The following MARCHF1 variants were observed in gnomAD, a reference collection of about 807,000 sequenced individuals.
MARCHF1 encodes the protein membrane associated ring-CH-type finger 1.
MARCHF1 carries 40 observed loss-of-function variants against 54.2 expected under a neutral mutation model. The observed-to-expected ratio is 0.74, with a 90% CI of 0.57 to 0.96. The LOEUF is 0.96. Among genes scored for constraint, MARCHF1 ranks in the 40% least tolerant of loss-of-function variants. MARCHF1 has a pLI of 0.00. For missense variants in MARCHF1, 586 were observed against 656.5 expected (o/e 0.89, Z 1.17); for synonymous variants, 236 against 236.3 (o/e 1.00, Z 0.01).
chr4:164,239,794 A>T (rs1732674325), intron 1 of MARCHF1, among the ~76,000 whole-genome samples: 1 of 151,956 alleles, frequency 6.6e-6, no homozygotes, highest in African/African-American at 2.4e-5. Context: ...TATATGTCAT[A>T]TTCTTCTTTT....
intron 1 of MARCHF1, among the ~76,000 whole-genome samples, chr4:164,185,620 G>A (rs901448369): frequency 6.6e-6 from 1 of 152,056 alleles, no homozygotes; most frequent in Admixed American, 6.6e-5. Flanking sequence ...TCTAAAGGAA[G>A]AGCTATTAAC....
intron 4 of MARCHF1, among the ~76,000 whole-genome samples, chr4:163,775,129 C>T (rs1419372337): frequency 1.3e-5 from 2 of 152,154 alleles, no homozygotes; most frequent in African/African-American, 2.4e-5. Context: ...CAGGTCTAGC[C>T]ACTCTCAAGC....
chr4:164,209,033 T>TATATATA (rs1480090066), intron 1 of MARCHF1, among the ~76,000 whole-genome samples: 1 of 149,910 alleles, frequency 6.7e-6, no homozygotes, highest in African/African-American at 2.4e-5. Flanking sequence ...ATTATATATA[T>TATATATA]TATATATAAA....
intron 1 of MARCHF1, among the ~76,000 whole-genome samples, chr4:164,274,802 G>A (rs1214510522): frequency 1.4e-5 from 2 of 147,978 alleles, no homozygotes; most frequent in East Asian, 2.0e-4. Context: ...TCAGCCTCCC[G>A]AGTAGCTGGG....
intron 1 of MARCHF1, among the ~76,000 whole-genome samples, chr4:164,129,049 C>A (rs1756246211): frequency 6.6e-6 from 1 of 152,146 alleles, no homozygotes; most frequent in Non-Finnish European, 1.5e-5. Context: ...AATCAGATTG[C>A]TTATGAAAGT....
rs189639533 is a variant in MARCHF1, at chr4:164,193,562, A to G, written c.-322-81900T>C. Among the ~76,000 whole-genome samples, 304 of 152,196 alleles carry G rather than the reference A, an allele frequency of 2.0e-3. 2 individuals carry two copies. The highest frequency in any genetic ancestry group is 6.7e-3 in the African/African-American group (277 of 41,548). The stretch of plus-strand genomic sequence containing the variant: ...TGCCTCTTTCACTTGGATTTGTTCA[A>G]TTGAGTAAATGGAATACATTTCATG... On this transcript the variant is annotated intron_variant, in intron 1 of 9. Transcript: ENST00000514618.
At chr4:164,096,580 A>T (rs1007712615) in intron 2 of MARCHF1, among the ~76,000 whole-genome samples, 2 of 149,618 alleles carry the variant, frequency 1.3e-5, no homozygotes, top group Non-Finnish European at 3.0e-5. Flanking sequence ...TAAAAAAAAA[A>T]TTTAAAAAGT....
rs561200463 is a variant in MARCHF1 at position 164,140,812 on chromosome 4, T to G, written c.-322-29150A>C. Among the ~76,000 whole-genome samples the G allele has an allele frequency of 2.6e-5, 4 of 152,172 alleles. No individual in the cohort carries two copies. The South Asian group carries it at 8.3e-4, about 32-fold the overall frequency. ...GAACTCAGTTGTCAAGAGTGACTCA[T>G]GCTACACCTAGATGCCTATACTCTT... On this transcript the variant is annotated intron_variant, in intron 1 of 9. Transcript: ENST00000514618.
chr4:163,619,209 C>G (rs1310000272), intron 5 of MARCHF1, among the ~76,000 whole-genome samples: 1 of 152,092 alleles, frequency 6.6e-6, no homozygotes, highest in African/African-American at 2.4e-5. Context: ...AAGTATTCAG[C>G]AGGAAATAGA....
chr4:164,237,274 C>G (rs982234436), intron 1 of MARCHF1, among the ~76,000 whole-genome samples: 3 of 152,044 alleles, frequency 2.0e-5, no homozygotes, highest in African/African-American at 4.8e-5. Flanking sequence ...CACCAGAAAC[C>G]TTTTTTCTGT....
chr4:163,895,414 T>G (rs1476445483), intron 3 of MARCHF1, among the ~76,000 whole-genome samples: 1 of 152,194 alleles, frequency 6.6e-6, no homozygotes, highest in Non-Finnish European at 1.5e-5. Flanking sequence ...GAAAGGATGA[T>G]GTTTGGCAGA....
At chr4:163,564,610 T>C (rs1739583900) in intron 8 of MARCHF1, among the ~76,000 whole-genome samples, 1 of 152,222 alleles carries the variant, frequency 6.6e-6, no homozygotes, top group Non-Finnish European at 1.5e-5. Context: ...TTTTAAAAAC[T>C]ATCTGAAAAC....
intron 4 of MARCHF1, among the ~76,000 whole-genome samples, chr4:163,753,459 T>G (rs1358258262): frequency 1.3e-5 from 2 of 152,290 alleles, no homozygotes; most frequent in East Asian, 3.9e-4. Context: ...TTCTATTTTT[T>G]TAATCACCAC....
Position 164,087,063 on chromosome 4 carries a change from A to G in MARCHF1, c.-248+24525T>C, listed in dbSNP as rs186787067. ...GAATATGTTTTAGTAATCCTAGGGAACAGACCAGTGCCTTGGGGGAGTTGC... is the reference window on the plus strand; with the variant it reads ...GAATATGTTTTAGTAATCCTAGGGAGCAGACCAGTGCCTTGGGGGAGTTGC... On this transcript the variant is annotated intron_variant, in intron 2 of 9. Coordinates refer to ENST00000514618, the MANE Select transcript of MARCHF1 (RefSeq NM_001394959.1). 1.6e-3 allele frequency among the ~76,000 whole-genome samples: 247 copies of G among 152,252 alleles called. 1 individual carries two copies. The highest frequency in any genetic ancestry group is 5.8e-3 in the African/African-American group (240 of 41,574).
chr4:164,325,500 T>A (rs1735254088), intron 1 of MARCHF1, among the ~76,000 whole-genome samples: 1 of 151,998 alleles, frequency 6.6e-6, no homozygotes, highest in Non-Finnish European at 1.5e-5. Flanking sequence ...ATACAAACAT[T>A]AGTTTCAGAT....
chr4:164,297,399 G>A (rs1734440033), intron 1 of MARCHF1, among the ~76,000 whole-genome samples: 1 of 152,100 alleles, frequency 6.6e-6, no homozygotes, highest in South Asian at 2.1e-4. Flanking sequence ...CCTGATGTGA[G>A]GCTATGAGAA....
intron 1 of MARCHF1, among the ~76,000 whole-genome samples, chr4:164,318,356 T>C (rs1476841825): frequency 6.6e-6 from 1 of 152,188 alleles, no homozygotes; most frequent in Non-Finnish European, 1.5e-5. Flanking sequence ...GGGTTGGTTT[T>C]GTTATACTAG....
intron 5 of MARCHF1, among the ~76,000 whole-genome samples, chr4:163,646,673 GATT>G (rs1742771052): frequency 1.3e-5 from 2 of 152,020 alleles, no homozygotes; most frequent in Non-Finnish European, 2.9e-5. Context: ...TTTTTTATGT[GATT>G]GAAATTAAGT....
In MARCHF1 at chr4:164,314,926, T is replaced by C. The variant is rs74320786; in HGVS notation, c.-323+68944A>G. 5.9e-3 allele frequency among the ~76,000 whole-genome samples: 903 copies of C among 152,274 alleles called. 13 individuals are homozygous for C. Among genetic ancestry groups the C allele is most frequent in the African/African-American group, 0.021 (857 of 41,554 alleles). On this transcript the variant is annotated intron_variant, in intron 1 of 9. Transcript: ENST00000514618. ...ATATCAGAAAATGTATATCATTTGA[T>C]TACGTTCGCTAAAAACTCTTATCTG...
Sources: gnomAD v4.1 joint callset for allele counts (sites outside exome capture counted in the v4.1 genomes callset) on GRCh38, gnomAD v4.1.1 for gene constraint, MANE v1.5 for transcripts, NCBI Gene and HGNC (gene_info 2026-07-23, HGNC 2026-07-21) for gene names.